Variants in NCKAP5 observed in about 807,000 individuals in gnomAD.
NCKAP5 encodes nck-associated protein 5.
NCKAP5 carries 92 observed loss-of-function variants against 167.0 expected under a neutral mutation model. The observed-to-expected ratio is 0.55, with a 90% confidence interval of 0.47 to 0.66. The LOEUF (loss-of-function observed/expected upper bound fraction) is 0.66. NCKAP5 is among the 30% of genes least tolerant of loss of function. The pLI is 0.00. For missense variants in NCKAP5, 2,378 were observed against 2,315.0 expected (o/e 1.03, Z -0.56); for synonymous variants, 891 against 877.4 (o/e 1.02, Z -0.27).
Position 132,790,147 on chromosome 2 carries a change from G to C in NCKAP5, c.968C>G (p.Pro323Arg). The change falls in exon 13 of 20, where the codon CCT (proline) becomes CGT (arginine). Residue 323 changes from proline (P) to arginine (R), a missense_variant. Coordinates refer to ENST00000409261, the MANE Select transcript of NCKAP5 (RefSeq NM_207363.3). ...LKCPGLGAVI[P>R]GHLCPRNSYS... ...GCTGTTTCGAGGACAGAGATGACCA[G>C]GGATGACAGCCCCCAAGCCAGGGCA... The C allele has an allele frequency of 6.2e-7, 1 of 1,613,712 alleles. No individual in the cohort carries two copies. Among genetic ancestry groups the C allele is most frequent in the Non-Finnish European group, 8.5e-7 (1 of 1,179,818 alleles).
At position 132,673,232 on chromosome 2, in the gene NCKAP5, T is replaced by C; in HGVS notation, c.*57A>G. On this transcript the variant is annotated 3_prime_UTR_variant, in exon 20 of 20. Coordinates refer to ENST00000409261, the MANE Select transcript of NCKAP5 (RefSeq NM_207363.3). ...AATCACAGTATTGCTGTTAAATTTATTGAATGACTCTAGGGAAATTTTCGA... is the reference window on the plus strand; with the variant it reads ...AATCACAGTATTGCTGTTAAATTTACTGAATGACTCTAGGGAAATTTTCGA... 6.8e-7 allele frequency: 1 copy of C among 1,480,868 alleles called. No homozygotes were observed. The highest frequency in any genetic ancestry group is 8.9e-7 in the Non-Finnish European group (1 of 1,119,016). The allele number at this position is 1,480,868 out of a possible 1,614,324, so 91.7% of individuals were successfully genotyped here.
At chr2:132,700,434 C>T (rs1687770523) in intron 19 of NCKAP5, among the ~76,000 whole-genome samples, 1 of 152,138 alleles carries the variant, frequency 6.6e-6, no homozygotes, top group Non-Finnish European at 1.5e-5. Flanking sequence ...CCTAAGTTTT[C>T]TTCTAGGGTT....
chr2:132,708,193 G>C (rs1293746886), intron 19 of NCKAP5, among the ~76,000 whole-genome samples: 2 of 152,000 alleles, frequency 1.3e-5, no homozygotes, highest in Non-Finnish European at 2.9e-5. Context: ...AGAGTAAAGG[G>C]GACTTTGTCT....
At chr2:133,657,306 C>T in the NCKAP5 span, among the ~76,000 whole-genome samples, 1 of 152,212 alleles carries the variant, frequency 6.6e-6, no homozygotes, top group African/African-American at 2.4e-5. Flanking sequence ...GTCAAGGCTT[C>T]CACATGTGTG....
At chr2:133,154,504 A>G (rs930154041) in intron 5 of NCKAP5, among the ~76,000 whole-genome samples, 3 of 152,256 alleles carry the variant, frequency 2.0e-5, no homozygotes, top group African/African-American at 7.2e-5. Flanking sequence ...ATGTTAACTC[A>G]GTAAAGTCAC....
At chr2:132,970,818 G>A (rs2149234306) in intron 7 of NCKAP5, among the ~76,000 whole-genome samples, 1 of 152,256 alleles carries the variant, frequency 6.6e-6, no homozygotes, top group East Asian at 1.9e-4. Flanking sequence ...TCAGATGACA[G>A]CCCAGGAAGC....
At chr2:132,992,616 C>T (rs1004711877) in intron 7 of NCKAP5, among the ~76,000 whole-genome samples, 9 of 152,150 alleles carry the variant, frequency 5.9e-5, no homozygotes, top group Admixed American at 6.6e-5. Context: ...TTTTTACTTA[C>T]ACCTCAACTT....
intron 3 of NCKAP5, among the ~76,000 whole-genome samples, chr2:133,422,572 T>G (rs1047233131): frequency 6.6e-6 from 1 of 152,178 alleles, no homozygotes; most frequent in African/African-American, 2.4e-5. Context: ...AGTAACATTT[T>G]TCTCTGGTCA....
chr2:132,781,353 G>A (rs890711819), intron 14 of NCKAP5, 124 bp from the exon 15 acceptor site: 21 of 865,434 alleles, frequency 2.4e-5, no homozygotes, highest in African/African-American at 2.4e-4. Context: ...AACCTTTGAC[G>A]GATAAGGGTT....
intron 19 of NCKAP5, among the ~76,000 whole-genome samples, chr2:132,685,932 C>T (rs957392958): frequency 3.3e-5 from 5 of 152,052 alleles, no homozygotes; most frequent in African/African-American, 1.2e-4. Flanking sequence ...AGATCCTTCC[C>T]AGCAGTGAAA....
At chr2:132,986,993 C>T (rs914202080) in intron 7 of NCKAP5, among the ~76,000 whole-genome samples, 12 of 152,092 alleles carry the variant, frequency 7.9e-5, no homozygotes, top group African/African-American at 1.9e-4. Flanking sequence ...GACAGGTGAT[C>T]GAGGCCCTCT....
chr2:133,107,202 C>T (rs945147042), intron 6 of NCKAP5, among the ~76,000 whole-genome samples: 4 of 152,168 alleles, frequency 2.6e-5, no homozygotes, highest in Non-Finnish European at 4.4e-5. Flanking sequence ...GAAGGGACCA[C>T]GGCCAGCGCC....
chr2:132,802,205 T>C (rs1467046029), intron 11 of NCKAP5, among the ~76,000 whole-genome samples: 2 of 152,200 alleles, frequency 1.3e-5, no homozygotes, highest in Non-Finnish European at 2.9e-5. Flanking sequence ...TAGTCTGCTC[T>C]AGCCCACTGT....
chr2:133,670,561 T>C, the NCKAP5 span, among the ~76,000 whole-genome samples: 1 of 152,218 alleles, frequency 6.6e-6, no homozygotes, highest in Non-Finnish European at 1.5e-5. Context: ...TCAACATTTA[T>C]TGTGCATCTT....
In NCKAP5 at chr2:133,066,512, T is replaced by C. The variant is rs541978974; in HGVS notation, c.341+63466A>G. On this transcript the variant is annotated intron_variant, in intron 6 of 19. Transcript: ENST00000409261. Reference sequence around the variant, plus strand: ...TGTTTCAAAATCATTCATATCTACATGCATTCTTTCTCTCCCTTCCTTCTT... The same window carrying C: ...TGTTTCAAAATCATTCATATCTACACGCATTCTTTCTCTCCCTTCCTTCTT... Among the ~76,000 whole-genome samples, 11 of 152,328 alleles carry C rather than the reference T, an allele frequency of 7.2e-5. No homozygotes were observed. In the South Asian group the frequency reaches 2.3e-3, roughly 32 times the overall value.
At chr2:133,519,727 T>C (rs1392851738) in intron 2 of NCKAP5, among the ~76,000 whole-genome samples, 2 of 152,186 alleles carry the variant, frequency 1.3e-5, no homozygotes, top group Non-Finnish European at 2.9e-5. Flanking sequence ...GAATACTGTA[T>C]GGAAAACAAT....
rs79350180 is a variant in NCKAP5, at chr2:133,360,079, G to A, written c.70-56969C>T. 6.0e-3 allele frequency among the ~76,000 whole-genome samples: 918 copies of A among 152,212 alleles called. 6 individuals carry two copies. The highest frequency in any genetic ancestry group is 1.0e-2 in the Non-Finnish European group (678 of 68,018). ...CCGCCCCACCACCAGCCTAGGATGA[G>A]GAAAAGCATGAAATATCATGAGACA... On this transcript the variant is annotated intron_variant, in intron 3 of 19. Coordinates refer to ENST00000409261, the MANE Select transcript of NCKAP5 (RefSeq NM_207363.3).
At chr2:133,268,762 A>T (rs886129955) in intron 4 of NCKAP5, among the ~76,000 whole-genome samples, 1 of 151,890 alleles carries the variant, frequency 6.6e-6, no homozygotes, top group Non-Finnish European at 1.5e-5. Flanking sequence ...GAGCCACCGC[A>T]CCCGGCCGAT....
intron 6 of NCKAP5, among the ~76,000 whole-genome samples, chr2:133,062,488 A>G (rs528465177): frequency 6.6e-6 from 1 of 152,356 alleles, no homozygotes; most frequent in Admixed American, 6.5e-5. Flanking sequence ...ACAGCTTGAA[A>G]TGTGAAGACT....
Sources: gnomAD v4.1 joint callset for allele counts (sites outside exome capture counted in the v4.1 genomes callset) on GRCh38, gnomAD v4.1.1 for gene constraint, MANE v1.5 for transcripts, NCBI Gene and HGNC (gene_info 2026-07-23, HGNC 2026-07-21) for gene names.